Variants in MYO1H observed in about 807,000 individuals in gnomAD.
MYO1H encodes myosin IH.
A neutral mutation model predicts 149.3 loss-of-function variants in MYO1H; 118 were observed. That is an observed-to-expected ratio of 0.79 (90% CI 0.68 to 0.92). The LOEUF (loss-of-function observed/expected upper bound fraction) is 0.92, where lower values mean the gene tolerates loss of function less well. MYO1H is among the 40% of genes least tolerant of loss of function. The pLI, the probability that MYO1H is intolerant of heterozygous loss-of-function variation, is 0.00. For missense variants in MYO1H, 1,212 were observed against 1,280.7 expected (o/e 0.95, Z 0.82); for synonymous variants, 447 against 465.2 (o/e 0.96, Z 0.50).
chr12:109,438,642 A>G (rs868340383), intron 23 of MYO1H, 22 bp downstream of exon 23: 1 of 1,563,472 alleles, frequency 6.4e-7, no homozygotes. Flanking sequence ...GGTACAACAG[A>G]GAGGACAGGT....
At chr12:109,368,077 A>G (rs1307805417) in intron 1 of MYO1H, among the ~76,000 whole-genome samples, 1 of 152,204 alleles carries the variant, frequency 6.6e-6, no homozygotes, top group African/African-American at 2.4e-5. Context: ...GTCTTGACCT[A>G]GCAATTCCTC....
the MYO1H span, among the ~76,000 whole-genome samples, chr12:109,325,772 C>A: frequency 7.9e-5 from 12 of 152,110 alleles, no homozygotes; most frequent in Non-Finnish European, 1.5e-4. Flanking sequence ...TATGAAGAGA[C>A]CCTTCTCAAA....
At chr12:109,313,844 G>A in the MYO1H span, among the ~76,000 whole-genome samples, 2 of 151,912 alleles carry the variant, frequency 1.3e-5, no homozygotes, top group African/African-American at 2.4e-5. Context: ...TAGTCAATAT[G>A]TCCAGGCATT....
At chr12:109,385,212 G>A (rs975732493) in intron 1 of MYO1H, among the ~76,000 whole-genome samples, 1 of 151,986 alleles carries the variant, frequency 6.6e-6, no homozygotes, top group Non-Finnish European at 1.5e-5. Flanking sequence ...GTGTTCCAAC[G>A]TCTTAATCAT....
At chr12:109,443,182 A>G (rs1458145380) in intron 27 of MYO1H, among the ~76,000 whole-genome samples, 7 of 132,480 alleles carry the variant, frequency 5.3e-5, no homozygotes, top group South Asian at 2.3e-4. Context: ...GTATGTGTGT[A>G]TATGTGTACG....
Position 109,443,005 on chromosome 12 carries a change from A to T in MYO1H, c.2689-509A>T, listed in dbSNP as rs1428842308. ...ATCATGCAGAGAGCCAGGAAAAAAA[A>T]AAAAATATATATATATATATATATG... On this transcript the variant is annotated intron_variant, in intron 27 of 31. Transcript: ENST00000310903. Among the ~76,000 whole-genome samples, 6 of 89,464 alleles carry T rather than the reference A, an allele frequency of 6.7e-5. No individual in the cohort carries two copies. The East Asian group carries it at 8.2e-4, about 12-fold the overall frequency. The allele number at this position is 89,464 out of a possible 152,430, so 58.7% of individuals were successfully genotyped here.
At chr12:109,445,968 T>A in intron 31 of MYO1H, 1 of 985,342 alleles carries the variant, frequency 1.0e-6, no homozygotes, top group South Asian at 4.7e-5. Context: ...ATCAATGCGC[T>A]TGTGTCCCAC....
the MYO1H span, among the ~76,000 whole-genome samples, chr12:109,311,485 A>AT: frequency 6.6e-6 from 1 of 152,166 alleles, no homozygotes; most frequent in African/African-American, 2.4e-5. Flanking sequence ...AATACATGGC[A>AT]TTTTTCAATT....
At chr12:109,382,030 T>C (rs903571851) in intron 1 of MYO1H, among the ~76,000 whole-genome samples, 2 of 152,208 alleles carry the variant, frequency 1.3e-5, no homozygotes, top group Non-Finnish European at 2.9e-5. Flanking sequence ...AAGGGAAATT[T>C]CTCTTTATAG....
chr12:109,419,214 A>T (rs1004000840), intron 15 of MYO1H, among the ~76,000 whole-genome samples: 6 of 150,878 alleles, frequency 4.0e-5, no homozygotes, highest in African/African-American at 4.9e-5. Flanking sequence ...ACACACACAC[A>T]CACTCACTCA....
chr12:109,442,795 CTTTTTTTTTT>C (rs747073389), intron 27 of MYO1H, among the ~76,000 whole-genome samples: 2 of 94,040 alleles, frequency 2.1e-5, no homozygotes, highest in East Asian at 3.2e-4. Context: ...AGTGTCTGCT[CTTTTTTTTTT>C]TTTTTTTTTT....
upstream of MYO1H, among the ~76,000 whole-genome samples, chr12:109,343,092 A>G (rs1462179105): frequency 6.6e-6 from 1 of 151,978 alleles, no homozygotes; most frequent in Non-Finnish European, 1.5e-5. Context: ...ATTAACTCTG[A>G]AAAAGAAAAA....
Position 109,441,602 on chromosome 12 carries a change from T to C in MYO1H, c.2539-13T>C, listed in dbSNP as rs766058838. 243 of 1,585,582 alleles carry C rather than the reference T, an allele frequency of 1.5e-4. No individual in the cohort carries two copies. Among genetic ancestry groups the C allele is most frequent in the Non-Finnish European group, 2.0e-4 (230 of 1,159,050 alleles). On this transcript the variant is annotated splice_polypyrimidine_tract_variant and intron_variant, in intron 25 of 31. Transcript: ENST00000310903. The stretch of plus-strand genomic sequence containing the variant: ...TGGCTACCATTTTTATACTTTCAAT[T>C]GTGTATTACCAGATGCAGCAAAAGG...
At chr12:109,311,695 C>G in the MYO1H span, among the ~76,000 whole-genome samples, 2 of 152,186 alleles carry the variant, frequency 1.3e-5, no homozygotes, top group South Asian at 4.1e-4. Context: ...TGAAATTCAC[C>G]TGCGTCCATA....
intron 15 of MYO1H, among the ~76,000 whole-genome samples, chr12:109,416,049 TCTC>T: frequency 6.6e-6 from 1 of 152,088 alleles, no homozygotes; most frequent in East Asian, 1.9e-4. Context: ...TTCAAGCCAT[TCTC>T]CTGCCTCAGC....
chr12:109,323,017 G>C, the MYO1H span, among the ~76,000 whole-genome samples: 1 of 152,062 alleles, frequency 6.6e-6, no homozygotes, highest in Non-Finnish European at 1.5e-5. Flanking sequence ...TGAGGCAGGA[G>C]AATCGCTTGA....
chr12:109,447,232 GA>G, exon 32 of MYO1H: 3 of 1,524,746 alleles, frequency 2.0e-6, no homozygotes, highest in Non-Finnish European at 2.7e-6. Flanking sequence ...TCCAACTGAG[GA>G]AACTACAGGG....
chr12:109,330,343 C>T, the MYO1H span, among the ~76,000 whole-genome samples: 1 of 152,146 alleles, frequency 6.6e-6, no homozygotes, highest in Non-Finnish European at 1.5e-5. Context: ...ATTTTTAAAG[C>T]AATTACTTAA....
At position 109,405,917 on chromosome 12, in the gene MYO1H, C is replaced by A; in HGVS notation, c.850-5C>A. ...CCTGTCTCTGAACACTTCCCATGTTCCTAGAATCTCTTTGGAATTATTGCC... is the reference window on the plus strand; with the variant it reads ...CCTGTCTCTGAACACTTCCCATGTTACTAGAATCTCTTTGGAATTATTGCC... On this transcript the variant is annotated splice_region_variant and splice_polypyrimidine_tract_variant and intron_variant, in intron 7 of 31. Coordinates refer to ENST00000310903, the Ensembl canonical transcript of MYO1H. 1 of 1,596,428 alleles carries A rather than the reference C, an allele frequency of 6.3e-7. No individual in the cohort carries two copies. The highest frequency in any genetic ancestry group is 8.6e-7 in the Non-Finnish European group (1 of 1,164,134).
Sources: allele counts gnomAD v4.1 joint callset (sites outside exome capture counted in the v4.1 genomes callset), GRCh38; gene constraint gnomAD v4.1.1; transcripts MANE v1.5; gene names NCBI Gene and HGNC (gene_info 2026-07-23, HGNC 2026-07-21).